The following TMCC1 variants were observed in gnomAD, a reference collection of about 807,000 sequenced individuals.
The protein encoded by TMCC1 is transmembrane and coiled-coil domains protein 1.
In TMCC1, 15 loss-of-function variants were observed where a neutral mutation model predicts 52.4. The ratio of observed to expected loss-of-function variants is 0.29; its 90% CI spans 0.19 to 0.44. TMCC1 has a LOEUF of 0.44. TMCC1 is among the 20% of genes least tolerant of loss of function. The pLI is 1.00. For synonymous variants in TMCC1, 279 were observed against 301.9 expected, an observed-to-expected ratio of 0.92 and a Z score of 0.79; for missense variants, 503 against 806.0, an observed-to-expected ratio of 0.62 and a Z score of 4.55.
chr3:129,871,956 C>A (rs938006940), intron 2 of TMCC1, among the ~76,000 whole-genome samples: 1 of 152,164 alleles, frequency 6.6e-6, no homozygotes, highest in African/African-American at 2.4e-5. Flanking sequence ...TTTGATAACA[C>A]ATCTAAGTTG....
chr3:129,826,661 T>C (rs1360732222), intron 4 of TMCC1, among the ~76,000 whole-genome samples: 2 of 152,046 alleles, frequency 1.3e-5, no homozygotes, highest in African/African-American at 4.8e-5. Context: ...GTAGGAAAGG[T>C]TTAAAGTTCT....
chr3:129,892,511 G>C (rs1166428304), intron 1 of TMCC1: 1 of 151,918 alleles, frequency 6.6e-6, no homozygotes, highest in Non-Finnish European at 1.5e-5. Flanking sequence ...GCAGCTATCT[G>C]ATATTTATGC....
chr3:129,756,548 A>G (rs2403488), intron 4 of TMCC1, among the ~76,000 whole-genome samples: 149,895 of 152,194 alleles, frequency 0.98, 73,854 homozygotes, highest in East Asian at 1. Flanking sequence ...ACAGGCGCCC[A>G]CCACCAAGCC....
chr3:129,844,868 TC>T (rs1387747935), intron 2 of TMCC1, among the ~76,000 whole-genome samples: 1 of 152,208 alleles, frequency 6.6e-6, no homozygotes, highest in Non-Finnish European at 1.5e-5. Flanking sequence ...AATATCCTGT[TC>T]CTTTTTGAAA....
At chr3:129,851,126 A>T (rs536247175) in intron 2 of TMCC1, among the ~76,000 whole-genome samples, 1 of 152,360 alleles carries the variant, frequency 6.6e-6, no homozygotes, top group East Asian at 1.9e-4. Flanking sequence ...AATAGTCATA[A>T]TGCATTCATT....
chr3:129,785,560 T>TACACAC (rs10656814), intron 4 of TMCC1, among the ~76,000 whole-genome samples: 19 of 146,168 alleles, frequency 1.3e-4, no homozygotes, highest in East Asian at 8.1e-4. Context: ...TCAATATACA[T>TACACAC]ACACACACAC....
At chr3:129,783,043 T>C (rs1379816018) in intron 4 of TMCC1, among the ~76,000 whole-genome samples, 2 of 152,206 alleles carry the variant, frequency 1.3e-5, no homozygotes, top group Non-Finnish European at 2.9e-5. Flanking sequence ...AGTCACAAAA[T>C]ATAAATTCAA....
At chr3:129,789,519 C>G (rs2056299869) in intron 4 of TMCC1, among the ~76,000 whole-genome samples, 1 of 152,178 alleles carries the variant, frequency 6.6e-6, no homozygotes, top group Admixed American at 6.5e-5. Context: ...CTCGCTCTGT[C>G]GCCCAGGCTA....
chr3:129,719,155 AC>A lies in TMCC1; in HGVS notation c.577-47892del, dbSNP rs772074671. On this transcript the variant is annotated intron_variant, in intron 4 of 6. Transcript: ENST00000393238. ...ATTAGAGAATTGGCATTTCAGCCCC[AC>A]CCCCCAACCTCTGGGAGGGTAAAGG... Among the ~76,000 whole-genome samples the A allele has an allele frequency of 1.6e-3, 246 of 152,192 alleles. 1 individual carries two copies. Among genetic ancestry groups the A allele is most frequent in the Admixed American group, 1.0e-3 (16 of 15,286 alleles).
chr3:129,808,769 G>C (rs2057617500), intron 4 of TMCC1, among the ~76,000 whole-genome samples: 1 of 149,954 alleles, frequency 6.7e-6, no homozygotes, highest in Middle Eastern at 3.2e-3. Flanking sequence ...AAAGCTACAT[G>C]ATCATTTTCA....
chr3:129,715,970 C>T (rs1406858437), intron 4 of TMCC1, among the ~76,000 whole-genome samples: 3 of 151,914 alleles, frequency 2.0e-5, no homozygotes, highest in Non-Finnish European at 4.4e-5. Context: ...ACCCCACTTC[C>T]TACTTAGCTC....
rs76415394 is a variant in TMCC1, at chr3:129,679,374, C to T, written c.577-8110G>A. ...AGGCTGGAGTGCAGTGGCACAATCT[C>T]GGCTCACTGCAACCTCCGCCTCCAG... On this transcript the variant is annotated intron_variant, in intron 4 of 6. Coordinates refer to ENST00000393238, the MANE Select transcript of TMCC1 (RefSeq NM_001017395.5). Among the ~76,000 whole-genome samples, 48 of 152,236 alleles carry T rather than the reference C, an allele frequency of 3.2e-4. No individual in the cohort carries two copies. The East Asian group carries it at 9.1e-3, about 29-fold the overall frequency.
At chr3:129,808,044 T>C (rs1197910743) in intron 4 of TMCC1, among the ~76,000 whole-genome samples, 1 of 138,980 alleles carries the variant, frequency 7.2e-6, no homozygotes, top group African/African-American at 2.7e-5. Flanking sequence ...CTGAGAAGAG[T>C]AAATGCTGTT....
At chr3:129,842,788 T>TA (rs1382957712) in intron 2 of TMCC1, among the ~76,000 whole-genome samples, 1 of 152,198 alleles carries the variant, frequency 6.6e-6, no homozygotes, top group Non-Finnish European at 1.5e-5. Context: ...AATACACTTC[T>TA]AAATAACCCA....
intron 4 of TMCC1, among the ~76,000 whole-genome samples, chr3:129,672,185 T>G (rs1467548778): frequency 1.3e-5 from 2 of 152,166 alleles, no homozygotes; most frequent in African/African-American, 4.8e-5. Context: ...TCAACATAGT[T>G]AGCTAAATTT....
At chr3:129,862,876 T>G (rs1281555068) in intron 2 of TMCC1, among the ~76,000 whole-genome samples, 2 of 152,224 alleles carry the variant, frequency 1.3e-5, no homozygotes, top group Non-Finnish European at 2.9e-5. Flanking sequence ...CTAGTCCCTC[T>G]GCACCTTGGA....
At chr3:129,850,545 G>C (rs1288249097) in intron 2 of TMCC1, among the ~76,000 whole-genome samples, 1 of 152,200 alleles carries the variant, frequency 6.6e-6, no homozygotes, top group Non-Finnish European at 1.5e-5. Context: ...CAACAGTGGG[G>C]CTTCTCTGAG....
intron 5 of TMCC1, among the ~76,000 whole-genome samples, chr3:129,664,434 T>C (rs2087288676): frequency 6.6e-6 from 1 of 152,246 alleles, no homozygotes; most frequent in African/African-American, 2.4e-5. Flanking sequence ...TACTAACTGT[T>C]CTACTGCATG....
chr3:129,738,758 CT>C (rs1380286432), intron 4 of TMCC1, among the ~76,000 whole-genome samples: 4 of 152,176 alleles, frequency 2.6e-5, no homozygotes, highest in African/African-American at 7.2e-5. Context: ...TTTATCTCCA[CT>C]TAACTGGAGG....
Sources: gnomAD v4.1 joint callset for allele counts (sites outside exome capture counted in the v4.1 genomes callset) on GRCh38, gnomAD v4.1.1 for gene constraint, MANE v1.5 for transcripts, NCBI Gene and HGNC (gene_info 2026-07-23, HGNC 2026-07-21) for gene names.